KDM4B: variants seen among roughly 807,000 people sequenced by gnomAD.
KDM4B encodes lysine demethylase 4B, also known as lysine-specific demethylase 4B.
KDM4B carries 32 observed loss-of-function variants against 125.2 expected under a neutral mutation model. The ratio of observed to expected loss-of-function variants is 0.26; its 90% CI spans 0.19 to 0.34. KDM4B has a LOEUF of 0.34. Ranked by LOEUF, KDM4B falls within the 10% of genes least tolerant of loss-of-function variation. KDM4B has a pLI of 1.00. For synonymous variants in KDM4B, 721 were observed against 677.9 expected (o/e 1.06, Z -0.99); for missense variants, 1,190 against 1,577.7 (o/e 0.75, Z 4.16).
intron 1 of KDM4B, among the ~76,000 whole-genome samples, chr19:5,011,261 G>T (rs142410026): frequency 1.1e-4 from 16 of 152,328 alleles, no homozygotes; most frequent in African/African-American, 3.4e-4. Flanking sequence ...CTGGGTGCTG[G>T]CCGTGCTCGA....
chr19:5,086,201 C>A (rs1180122112), intron 9 of KDM4B, among the ~76,000 whole-genome samples: 3 of 152,058 alleles, frequency 2.0e-5, no homozygotes, highest in Non-Finnish European at 2.9e-5. Flanking sequence ...TGCCCCCCCC[C>A]ACCCCGTTGT....
chr19:5,066,052 C>T (rs1013440614), intron 6 of KDM4B, among the ~76,000 whole-genome samples: 2 of 152,168 alleles, frequency 1.3e-5, no homozygotes, highest in Admixed American at 1.3e-4. Context: ...CCTGACCTCC[C>T]GTGTGACCAG....
intron 18 of KDM4B, among the ~76,000 whole-genome samples, chr19:5,139,515 C>T (rs767746951): frequency 2.0e-5 from 3 of 152,214 alleles, no homozygotes; most frequent in South Asian, 2.1e-4. Flanking sequence ...CTCTCCCTTG[C>T]GGCTGGACGG....
chr19:5,148,056 C>T (rs563123879), intron 21 of KDM4B, among the ~76,000 whole-genome samples: 108 of 152,202 alleles, frequency 7.1e-4, no homozygotes, highest in Non-Finnish European at 1.4e-3. Flanking sequence ...AGAGCCTCCC[C>T]GCCTGTCCGG....
intron 9 of KDM4B, among the ~76,000 whole-genome samples, chr19:5,086,825 C>T (rs938988374): frequency 4.7e-4 from 72 of 152,248 alleles, no homozygotes; most frequent in African/African-American, 1.3e-3. Flanking sequence ...CACCTGCCTG[C>T]GGAGCATCCC....
intron 1 of KDM4B, among the ~76,000 whole-genome samples, chr19:5,010,742 G>T (rs758274869): frequency 8.1e-4 from 123 of 152,174 alleles, no homozygotes; most frequent in Non-Finnish European, 1.5e-3. Flanking sequence ...CCGCCTCCCA[G>T]GTTCAAGCAA....
At chr19:5,110,855 A>G in intron 10 of KDM4B, 37 bp downstream of exon 10, 7 of 1,498,304 alleles carry the variant, frequency 4.7e-6, no homozygotes, top group African/African-American at 1.4e-5. Flanking sequence ...ACTGCCCAGC[A>G]TCACGGGGGG....
At chr19:4,989,153 C>T (rs2034948106) in intron 1 of KDM4B, among the ~76,000 whole-genome samples, 1 of 152,158 alleles carries the variant, frequency 6.6e-6, no homozygotes, top group African/African-American at 2.4e-5. Context: ...GAGTCGCTGC[C>T]GTGGAGGGCT....
intron 1 of KDM4B, among the ~76,000 whole-genome samples, chr19:4,984,635 A>G (rs963771425): frequency 2.0e-5 from 3 of 152,098 alleles, no homozygotes; most frequent in African/African-American, 7.2e-5. Flanking sequence ...GGACTGACAG[A>G]TCCAGAGAAC....
At chr19:5,131,745 A>G (rs1400801362) in intron 12 of KDM4B, 142 bp from the exon 13 acceptor site, 1 of 981,002 alleles carries the variant, frequency 1.0e-6, no homozygotes, top group Admixed American at 2.5e-5. Flanking sequence ...AGAACAGAGG[A>G]GCCCTGTGGT....
chr19:5,022,007 G>C (rs924700383), intron 2 of KDM4B, among the ~76,000 whole-genome samples: 14 of 152,226 alleles, frequency 9.2e-5, no homozygotes, highest in African/African-American at 3.1e-4. Context: ...CCCCAAGCAG[G>C]GGCAATGTGT....
At chr19:5,023,073 G>C (rs920747285) in intron 2 of KDM4B, among the ~76,000 whole-genome samples, 4 of 152,150 alleles carry the variant, frequency 2.6e-5, no homozygotes, top group Non-Finnish European at 5.9e-5. Flanking sequence ...TGAGCTGGGA[G>C]ATGACCCTGG....
chr19:4,996,327 C>G (rs1330749775), intron 1 of KDM4B, among the ~76,000 whole-genome samples: 3 of 152,130 alleles, frequency 2.0e-5, no homozygotes, highest in Non-Finnish European at 4.4e-5. Context: ...TGGCCACATC[C>G]TTGCTGCCAG....
At chr19:5,055,003 C>T (rs2037351579) in intron 6 of KDM4B, among the ~76,000 whole-genome samples, 1 of 152,246 alleles carries the variant, frequency 6.6e-6, no homozygotes, top group South Asian at 2.1e-4. Flanking sequence ...GAGCCTCACA[C>T]TGGGGCGTCC....
chr19:5,075,765 G>C (rs562718421), intron 7 of KDM4B: 1 of 152,530 alleles, frequency 6.6e-6, no homozygotes, highest in Non-Finnish European at 1.5e-5. Flanking sequence ...ACAGGAAGAG[G>C]TTGTGAGCTC....
chr19:5,004,509 T>C (rs2035495517), intron 1 of KDM4B, among the ~76,000 whole-genome samples: 1 of 152,172 alleles, frequency 6.6e-6, no homozygotes. Flanking sequence ...CCTAGAGCAA[T>C]GCCCTCAGCC....
rs1048343041 is a variant in KDM4B, at chr19:5,094,995, C to T, written c.918+12491C>T. Among the ~76,000 whole-genome samples, 7 of 151,624 alleles carry T rather than the reference C, an allele frequency of 4.6e-5. No homozygotes were observed. The South Asian group carries it at 6.3e-4, about 14-fold the overall frequency. On this transcript the variant is annotated intron_variant, in intron 9 of 22. Coordinates refer to ENST00000159111, the MANE Select transcript of KDM4B (RefSeq NM_015015.3). ...TGCAGCTCGGGGGCGGCGCCGGGGG[C>T]GGGGCAGGGGCAGTGTGAGGGATGG...
At chr19:4,996,254 C>T (rs916652320) in intron 1 of KDM4B, among the ~76,000 whole-genome samples, 1 of 152,118 alleles carries the variant, frequency 6.6e-6, no homozygotes, top group African/African-American at 2.4e-5. Context: ...CCTCCCAAAG[C>T]GTTGGGATTA....
intron 1 of KDM4B, among the ~76,000 whole-genome samples, chr19:4,991,243 C>A (rs912076524): frequency 3.3e-5 from 5 of 152,098 alleles, no homozygotes; most frequent in Non-Finnish European, 5.9e-5. Context: ...ACCATCAACC[C>A]ATGGCAACCC....
Sources: gnomAD v4.1 joint callset for allele counts (sites outside exome capture counted in the v4.1 genomes callset) on GRCh38, gnomAD v4.1.1 for gene constraint, MANE v1.5 for transcripts, NCBI Gene and HGNC (gene_info 2026-07-23, HGNC 2026-07-21) for gene names.